TMEM106B: variants seen among roughly 807,000 people sequenced by gnomAD.
TMEM106B encodes transmembrane protein 106B.
TMEM106B carries 15 observed loss-of-function variants against 31.1 expected under a neutral mutation model. The observed-to-expected ratio is 0.48, with a 90% CI of 0.32 to 0.74. The LOEUF (loss-of-function observed/expected upper bound fraction) is 0.74. TMEM106B is among the 30% of genes least tolerant of loss of function. The pLI is 0.03. For missense variants in TMEM106B, 283 were observed against 327.3 expected (o/e 0.86, Z 1.04); for synonymous variants, 126 against 112.5 (o/e 1.12, Z -0.76).
rs1433529290 is a variant in TMEM106B at position 12,241,792 on chromosome 7, G to C, written c.*9817G>C. ...AGTAATGGGATTGCTGGGTCAAATGGTATTTCTGGTTCTAGATCCTTGAGG... is the reference window on the plus strand; with the variant it reads ...AGTAATGGGATTGCTGGGTCAAATGCTATTTCTGGTTCTAGATCCTTGAGG... On this transcript the variant is annotated 3_prime_UTR_variant, in exon 8 of 8. Coordinates refer to ENST00000396668, the MANE Select transcript of TMEM106B (RefSeq NM_001134232.2). 6.6e-6 allele frequency: 1 copy of C among 152,074 alleles called. No homozygotes were observed. The highest frequency in any genetic ancestry group is 2.4e-5 in the African/African-American group (1 of 41,398). The allele number at this position is 152,074 out of a possible 1,614,324, so 9.4% of individuals were successfully genotyped here.
At chr7:12,222,578 G>A (rs1353690127) in intron 3 of TMEM106B, among the ~76,000 whole-genome samples, 1 of 152,148 alleles carries the variant, frequency 6.6e-6, no homozygotes, top group Non-Finnish European at 1.5e-5. Context: ...TTATGATGAT[G>A]TTAAACACTT....
Position 12,232,902 on chromosome 7 carries a change from T to C in TMEM106B, c.*927T>C, listed in dbSNP as rs1323161389. Reference sequence around the variant, plus strand: ...TGAAATAAAATATTTTGATGCTCCATTTTTTTATGTTGCTTTTCATACTAA... The same window carrying C: ...TGAAATAAAATATTTTGATGCTCCACTTTTTTATGTTGCTTTTCATACTAA... On this transcript the variant is annotated 3_prime_UTR_variant, in exon 8 of 8. Coordinates refer to ENST00000396668, the MANE Select transcript of TMEM106B (RefSeq NM_001134232.2). 2 of 151,790 alleles carry C rather than the reference T, an allele frequency of 1.3e-5. No individual in the cohort carries two copies. The highest frequency in any genetic ancestry group is 3.0e-5 in the Non-Finnish European group (2 of 67,766). 9.4% of individuals were successfully genotyped at this position (151,790 alleles called of 1,614,324 possible). A position where few individuals can be genotyped will look rare whatever the true frequency, so the allele number is the denominator to read the frequency against.
intron 1 of TMEM106B, among the ~76,000 whole-genome samples, chr7:12,213,166 G>A (rs1781614345): frequency 6.6e-6 from 1 of 151,972 alleles, no homozygotes; most frequent in Non-Finnish European, 1.5e-5. Flanking sequence ...CATTTGTATT[G>A]TTATTTTGAT....
At position 12,229,733 on chromosome 7, in the gene TMEM106B, A is replaced by T; in HGVS notation, c.496A>T (p.Thr166Ser). The change falls in exon 5 of 8, where the codon ACT becomes TCT. Residue 166 changes from threonine (T) to serine (S), a missense_variant. By Grantham distance (58) the Thr-to-Ser change is moderately conservative. This residue lies in a region of TMEM106B where 201 missense variants were observed against 211.5 expected (regional missense o/e 0.95). Transcript: ENST00000396668. ...NYYSVEVENI[T>S]AQVQFSKTVI... ...TTACTCTGTCGAAGTTGAAAACATC[A>T]CTGCCCAAGTTCAATTTTCAAAAAC... The T allele has an allele frequency of 6.2e-7, 1 of 1,613,430 alleles. No individual in the cohort carries two copies. Among genetic ancestry groups the T allele is most frequent in the Non-Finnish European group, 8.5e-7 (1 of 1,179,722 alleles).
Position 12,231,861 on chromosome 7 carries a change from T to C in TMEM106B, c.711T>C (p.Phe237=), listed in dbSNP as rs780617800. 7.5e-6 allele frequency: 12 copies of C among 1,602,804 alleles called. No individual in the cohort carries two copies. The highest frequency in any genetic ancestry group is 9.4e-6 in the Non-Finnish European group (11 of 1,172,366). ...MMQVTVTTTY[F]GHSEQISQER... ...GAGTTACTGTGACAACAACATACTT[T>C]GGCCACTCTGAACAGATATCCCAGG... is the stretch of plus-strand genomic sequence containing the variant. Residue 237 remains phenylalanine (F), a synonymous_variant, in exon 8 of 8, where the codon TTT becomes TTC. Coordinates refer to ENST00000396668, the MANE Select transcript of TMEM106B (RefSeq NM_001134232.2).
In TMEM106B at chr7:12,237,806, AATATAT is replaced by A. The variant is rs746818437; in HGVS notation, c.*5833_*5838del. 1 of 103,560 alleles carries A rather than the reference AATATAT, an allele frequency of 9.7e-6. No individual in the cohort carries two copies. The highest frequency in any genetic ancestry group is 4.0e-5 in the African/African-American group (1 of 25,066). The allele number at this position is 103,560 out of a possible 1,614,324, so 6.4% of individuals were successfully genotyped here. On this transcript the variant is annotated 3_prime_UTR_variant, in exon 8 of 8. Transcript: ENST00000396668. ...GTCAACATGGCGAGACCCCATATAA[AATATAT>A]ACATACACACACACACACACACACA...
Position 12,234,473 on chromosome 7 carries a change from G to A in TMEM106B, c.*2498G>A, listed in dbSNP as rs1008316913. 1.3e-5 allele frequency: 2 copies of A among 151,880 alleles called. No homozygotes were observed. Among genetic ancestry groups the A allele is most frequent in the Non-Finnish European group, 3.0e-5 (2 of 67,796 alleles). 9.4% of individuals were successfully genotyped at this position (151,880 alleles called of 1,614,324 possible). ...GAATAAGCCTGGAACAAAACAGGCTGTAAATTAATAAAACTACAAACACAC... is the reference window on the plus strand; with the variant it reads ...GAATAAGCCTGGAACAAAACAGGCTATAAATTAATAAAACTACAAACACAC... On this transcript the variant is annotated 3_prime_UTR_variant, in exon 8 of 8. Transcript: ENST00000396668.
intron 2 of TMEM106B, 86 bp downstream of exon 2, chr7:12,215,113 T>A: frequency 1.8e-6 from 2 of 1,099,988 alleles, no homozygotes; most frequent in Non-Finnish European, 2.6e-6. Flanking sequence ...AGGAACCACC[T>A]GTTTTAGAGG....
intron 5 of TMEM106B, 48 bp downstream of exon 5, chr7:12,229,867 C>A: frequency 6.5e-7 from 1 of 1,540,274 alleles, no homozygotes; most frequent in South Asian, 1.2e-5. Context: ...TGAATGTCAG[C>A]TTTGTATATC....
rs1782199983 is a variant in TMEM106B, at chr7:12,239,319, T to A, written c.*7344T>A. ...GCTTTGTTCAGGATTAGGCTTTCAC[T>A]TAAGGCAATGTTGTGGCTGGTTTGA... On this transcript the variant is annotated 3_prime_UTR_variant, in exon 8 of 8. Transcript: ENST00000396668. The A allele has an allele frequency of 6.6e-6, 1 of 152,170 alleles. No individual in the cohort carries two copies. Among genetic ancestry groups the A allele is most frequent in the Non-Finnish European group, 1.5e-5 (1 of 68,032 alleles). 9.4% of individuals were successfully genotyped at this position (152,170 alleles called of 1,614,324 possible).
intron 4 of TMEM106B, among the ~76,000 whole-genome samples, chr7:12,228,307 C>G (rs1045784149): frequency 6.6e-6 from 1 of 151,660 alleles, no homozygotes; most frequent in Non-Finnish European, 1.5e-5. Context: ...TCATATCTTT[C>G]TACATATTCC....
chr7:12,224,335 G>A lies in TMEM106B; in HGVS notation c.391G>A (p.Ala131Thr). The A allele has an allele frequency of 6.2e-7, 1 of 1,613,826 alleles. No homozygotes were observed. Among genetic ancestry groups the A allele is most frequent in the Admixed American group, 1.7e-5 (1 of 60,006 alleles). Residue 131 changes from alanine (A) to threonine (T), a missense_variant, in exon 4 of 8, where the codon GCC (alanine) becomes ACC (threonine). By Grantham distance (58) the Ala-to-Thr change is moderately conservative. Coordinates refer to ENST00000396668, the MANE Select transcript of TMEM106B (RefSeq NM_001134232.2). ...IDVKYIGVKSAYVSYDVQKRT... is the reference protein window; with the variant it reads ...IDVKYIGVKSTYVSYDVQKRT... ...CGTGAAATACATTGGTGTAAAATCA[G>A]CCTATGTCAGTTATGATGTTCAGAA... is the stretch of plus-strand genomic sequence containing the variant.
chr7:12,213,923 G>A (rs1781631330), intron 1 of TMEM106B, among the ~76,000 whole-genome samples: 2 of 152,060 alleles, frequency 1.3e-5, no homozygotes, highest in African/African-American at 2.4e-5. Context: ...TGGGTGGAGG[G>A]GATTGAACAT....
Position 12,242,047 on chromosome 7 carries a change from T to C in TMEM106B, c.*10072T>C, listed in dbSNP as rs1251931621. 1 of 152,164 alleles carries C rather than the reference T, an allele frequency of 6.6e-6. No homozygotes were observed. The highest frequency in any genetic ancestry group is 1.5e-5 in the Non-Finnish European group (1 of 68,020). The allele number at this position is 152,164 out of a possible 1,614,324, so 9.4% of individuals were successfully genotyped here. ...TGTTGGCTGCATAAATGTCTTCTTT[T>C]GAGAAGTGTAAGGTACTTAATTCTT... On this transcript the variant is annotated 3_prime_UTR_variant, in exon 8 of 8. Coordinates refer to ENST00000396668, the MANE Select transcript of TMEM106B (RefSeq NM_001134232.2).
intron 3 of TMEM106B, among the ~76,000 whole-genome samples, chr7:12,220,808 A>G (rs569879259): frequency 1.3e-5 from 2 of 152,324 alleles, no homozygotes; most frequent in South Asian, 2.1e-4. Flanking sequence ...TATTGTGCCA[A>G]TGTTTGCAGA....
intron 4 of TMEM106B, 54 bp from the exon 5 acceptor site, chr7:12,229,625 C>T: frequency 7.6e-7 from 1 of 1,319,404 alleles, no homozygotes; most frequent in South Asian, 1.6e-5. Flanking sequence ...ATTTTAAATA[C>T]ATATTTGTAT....
At chr7:12,225,238 G>T (rs928747220) in intron 4 of TMEM106B, among the ~76,000 whole-genome samples, 1 of 152,112 alleles carries the variant, frequency 6.6e-6, no homozygotes, top group Non-Finnish European at 1.5e-5. Flanking sequence ...TGGTGTATAT[G>T]TGCCACGTTT....
At chr7:12,220,397 G>A (rs183236223) in intron 3 of TMEM106B, among the ~76,000 whole-genome samples, 52 of 152,178 alleles carry the variant, frequency 3.4e-4, no homozygotes, top group African/African-American at 1.2e-3. Context: ...CAGACAGAGG[G>A]CCAATATCCT....
chr7:12,216,347 A>G (rs1207407780), intron 2 of TMEM106B, among the ~76,000 whole-genome samples: 1 of 149,808 alleles, frequency 6.7e-6, no homozygotes, highest in Non-Finnish European at 1.5e-5. Context: ...TGTTTGAGCA[A>G]CTGAAAGAAT....
Sources: gnomAD v4.1 joint callset for allele counts (sites outside exome capture counted in the v4.1 genomes callset) on GRCh38, gnomAD v4.1.1 for gene constraint, gnomAD v4.1.1 regional missense constraint, MANE v1.5 for transcripts, NCBI Gene and HGNC (gene_info 2026-07-23, HGNC 2026-07-21) for gene names.